Variants in CHSY1 observed in about 807,000 individuals in gnomAD.
The protein encoded by CHSY1 is N-acetylgalactosaminyl-proteoglycan 3-beta-glucuronosyltransferase 1.
CHSY1 carries 13 observed loss-of-function variants against 59.8 expected under a neutral mutation model. The observed-to-expected ratio is 0.22, with a 90% CI of 0.14 to 0.35. The LOEUF (loss-of-function observed/expected upper bound fraction) is 0.35, where lower values mean the gene tolerates loss of function less well. CHSY1 is among the 10% of genes least tolerant of loss of function. CHSY1 has a pLI of 1.00. For missense variants in CHSY1, 947 were observed against 1,030.6 expected (o/e 0.92, Z 1.11); for synonymous variants, 459 against 401.2 (o/e 1.14, Z -1.72).
chr15:101,182,442 T>C (rs1567086379), intron 2 of CHSY1, among the ~76,000 whole-genome samples: 6 of 152,236 alleles, frequency 3.9e-5, no homozygotes. Context: ...GAGTAGAGTA[T>C]GTATCACAGT....
intron 2 of CHSY1, among the ~76,000 whole-genome samples, chr15:101,197,204 G>A (rs1012652864): frequency 6.6e-6 from 1 of 152,176 alleles, no homozygotes; most frequent in African/African-American, 2.4e-5. Flanking sequence ...CCCAACGGGT[G>A]GAAGGAGTGG....
At chr15:101,192,914 A>C (rs2038463261) in intron 2 of CHSY1, among the ~76,000 whole-genome samples, 1 of 152,240 alleles carries the variant, frequency 6.6e-6, no homozygotes. Context: ...CCAATTTTAA[A>C]AAATGCTTAT....
rs2038232703 is a variant in CHSY1 at position 101,178,708 on chromosome 15, C to A, written c.1089G>T (p.Met363Ile). ...CCTCTCGCTGGCGGGGCTGAAACCT[C>A]ATGAAGGAGGGAGGGATTCCCAGCT... ...DLQLGIPPSF[M>I]RFQPRQREEI... Residue 363 changes from methionine (M) to isoleucine (I), a missense_variant, in exon 3 of 3, where the codon ATG (methionine) becomes ATT (isoleucine). Around this residue, in one of 4 missense-constraint regions of CHSY1, gnomAD observed 602 missense variants for 676.9 expected, o/e 0.89. Transcript: ENST00000254190. 6.2e-7 allele frequency: 1 copy of A among 1,614,140 alleles called. No homozygotes were observed. Among genetic ancestry groups the A allele is most frequent in the East Asian group, 2.2e-5 (1 of 44,902 alleles).
intron 1 of CHSY1, among the ~76,000 whole-genome samples, chr15:101,249,496 G>A (rs775190698): frequency 1.4e-5 from 2 of 147,012 alleles, no homozygotes; most frequent in African/African-American, 2.5e-5. Context: ...TCTATCTATC[G>A]ATCGATAGAT....
intron 2 of CHSY1, among the ~76,000 whole-genome samples, chr15:101,205,147 T>G (rs529911221): frequency 6.6e-6 from 1 of 152,300 alleles, no homozygotes; most frequent in Admixed American, 6.5e-5. Flanking sequence ...TTTTATCTTT[T>G]TTTTTCTTTT....
Position 101,178,101 on chromosome 15 carries a change from T to C in CHSY1, c.1696A>G (p.Lys566Glu). 6.2e-7 allele frequency: 1 copy of C among 1,614,208 alleles called. No homozygotes were observed. Among genetic ancestry groups the C allele is most frequent in the South Asian group, 1.1e-5 (1 of 91,088 alleles). Residue 566 changes from lysine (K) to glutamate (E), a missense_variant, in exon 3 of 3, where the codon AAG becomes GAG. Around this residue, in one of 4 missense-constraint regions of CHSY1, gnomAD observed 602 missense variants for 676.9 expected, o/e 0.89. Transcript: ENST00000254190. ...GAATTGAAAAGCAGAACCACGAGCT[T>C]GACGTTCTGATTGGGGATAAGACAC... ...KTCLIPNQNV[K>E]LVVLLFNSDS...
chr15:101,221,812 G>GT (rs201193392), intron 2 of CHSY1, among the ~76,000 whole-genome samples: 1 of 118,310 alleles, frequency 8.5e-6, no homozygotes, highest in Non-Finnish European at 1.6e-5. Context: ...GTCACAGGGA[G>GT]TTTTTTTGTT....
chr15:101,197,347 C>T lies in CHSY1; in HGVS notation c.817-18367G>A, dbSNP rs571922872. The stretch of plus-strand genomic sequence containing the variant: ...TAACTAATCACAAGACACTTCCATA[C>T]CTGCCCAAATGTAAGTTTAATCACA... On this transcript the variant is annotated intron_variant, in intron 2 of 2. Coordinates refer to ENST00000254190, the MANE Select transcript of CHSY1 (RefSeq NM_014918.5). Among the ~76,000 whole-genome samples, 11 of 152,312 alleles carry T rather than the reference C, an allele frequency of 7.2e-5. No individual in the cohort carries two copies. The East Asian group carries it at 1.7e-3, about 24-fold the overall frequency.
rs1330069327 is a variant in CHSY1, at chr15:101,177,372, C to T, written c.*16G>A. On this transcript the variant is annotated 3_prime_UTR_variant, in exon 3 of 3. Coordinates refer to ENST00000254190, the MANE Select transcript of CHSY1 (RefSeq NM_014918.5). ...AATTAGATAATTAAAAACGTCTTTT[C>T]CAGCAAAGCTGGACATTAGGCTGTC... The T allele has an allele frequency of 1.9e-6, 3 of 1,593,612 alleles. No homozygotes were observed. The East Asian group carries it at 6.7e-5, about 36-fold the overall frequency.
At chr15:101,197,802 A>G (rs1197180159) in intron 2 of CHSY1, among the ~76,000 whole-genome samples, 1 of 152,240 alleles carries the variant, frequency 6.6e-6, no homozygotes, top group Non-Finnish European at 1.5e-5. Flanking sequence ...AGGAGCTTTT[A>G]AACCTAAAAG....
In CHSY1 at chr15:101,178,843, G is replaced by A. The variant is rs1343482717; in HGVS notation, c.954C>T (p.Tyr318=). 6.2e-7 allele frequency: 1 copy of A among 1,614,242 alleles called. No individual in the cohort carries two copies. Among genetic ancestry groups the A allele is most frequent in the African/African-American group, 1.3e-5 (1 of 75,060 alleles). ...GCTCGGATATCTTGCGGCTCAGCATGTAGCTGTGGAGCCTGTACTGGTAGG... is the reference window on the plus strand; with the variant it reads ...GCTCGGATATCTTGCGGCTCAGCATATAGCTGTGGAGCCTGTACTGGTAGG... ...NPPYQYRLHS[Y]MLSRKISELR... The change falls in exon 3 of 3, where the codon TAC becomes TAT. Residue 318 remains tyrosine, a synonymous_variant. Coordinates refer to ENST00000254190, the MANE Select transcript of CHSY1 (RefSeq NM_014918.5).
intron 1 of CHSY1, 72 bp from the exon 2 acceptor site, chr15:101,235,649 C>T (rs2038934082): frequency 1.3e-6 from 2 of 1,506,518 alleles, no homozygotes; most frequent in Non-Finnish European, 1.8e-6. Flanking sequence ...ACGTTATCTG[C>T]TCATCTTGTA....
At chr15:101,246,192 A>G (rs540016692) in intron 1 of CHSY1, among the ~76,000 whole-genome samples, 1 of 152,318 alleles carries the variant, frequency 6.6e-6, no homozygotes, top group East Asian at 1.9e-4. Context: ...ATCTTGGCGC[A>G]AAGAAGGGAA....
At chr15:101,210,996 A>C (rs897238) in intron 2 of CHSY1, among the ~76,000 whole-genome samples, 3 of 152,052 alleles carry the variant, frequency 2.0e-5, no homozygotes, top group African/African-American at 7.3e-5. Flanking sequence ...AAATGAAATA[A>C]CTAAAATTAA....
At chr15:101,192,463 AG>A in intron 2 of CHSY1, among the ~76,000 whole-genome samples, 1 of 151,600 alleles carries the variant, frequency 6.6e-6, no homozygotes, top group East Asian at 1.9e-4. Context: ...ACAGCCAGGC[AG>A]GGGTCTGGGG....
At chr15:101,227,969 A>G (rs1040068194) in intron 2 of CHSY1, among the ~76,000 whole-genome samples, 4 of 152,172 alleles carry the variant, frequency 2.6e-5, no homozygotes, top group African/African-American at 9.7e-5. Flanking sequence ...TTTAAATAAT[A>G]GTAAGTAAAT....
chr15:101,233,410 T>C (rs1398827177), intron 2 of CHSY1, among the ~76,000 whole-genome samples: 2 of 152,222 alleles, frequency 1.3e-5, no homozygotes, highest in African/African-American at 4.8e-5. Context: ...TTCTCGGAGA[T>C]GATGGTCAGG....
chr15:101,225,541 T>G (rs951773658), intron 2 of CHSY1, among the ~76,000 whole-genome samples: 1 of 152,164 alleles, frequency 6.6e-6, no homozygotes, highest in Non-Finnish European at 1.5e-5. Flanking sequence ...GAATGGTTTA[T>G]CTGTGGTGCT....
intron 1 of CHSY1, among the ~76,000 whole-genome samples, chr15:101,236,862 C>A (rs2038948824): frequency 7.1e-6 from 1 of 140,192 alleles, no homozygotes; most frequent in Non-Finnish European, 1.5e-5. Flanking sequence ...AAAAACCCCT[C>A]TGTTTCTTTA....
Sources: allele counts gnomAD v4.1 joint callset (sites outside exome capture counted in the v4.1 genomes callset), GRCh38; gene constraint gnomAD v4.1.1; regional missense constraint gnomAD v4.1.1; transcripts MANE v1.5; gene names NCBI Gene and HGNC (gene_info 2026-07-23, HGNC 2026-07-21).